Variants in WNK3 observed in about 807,000 individuals in gnomAD.
WNK3 encodes the protein WNK lysine deficient protein kinase 3, also known as serine/threonine-protein kinase WNK3.
Under a neutral mutation model 116.7 loss-of-function variants are expected in WNK3, and 18 were observed. That is an observed-to-expected ratio of 0.15 (90% CI 0.11 to 0.23). The LOEUF (loss-of-function observed/expected upper bound fraction) is 0.23. Among genes scored for constraint, WNK3 ranks in the 10% least tolerant of loss-of-function variants. The pLI is 1.00. For missense variants in WNK3, 993 were observed against 1,323.8 expected, an observed-to-expected ratio of 0.75 and a Z score of 3.88; for synonymous variants, 404 against 469.4, an observed-to-expected ratio of 0.86 and a Z score of 1.80.
At chrX:54,295,261 A>C (rs937907795) in intron 7 of WNK3, among the ~76,000 whole-genome samples, 2 of 109,884 alleles carry the variant, frequency 1.8e-5, no homozygotes, top group Non-Finnish European at 1.9e-5. Context: ...TTAACAGTTA[A>C]TCTGTTTCTA....
chrX:54,205,281 AAC>A lies in WNK3; in HGVS notation c.4871-3090_4871-3089del, dbSNP rs1557142485. On this transcript the variant is annotated intron_variant, in intron 22 of 23. Coordinates refer to ENST00000354646, the Ensembl canonical transcript of WNK3. ...CAACCAACCAACCAAACAAACAAAC[AAC>A]AAAAAAAAGAACATTTCTGGGTGGG... Among the ~76,000 whole-genome samples, 7 of 108,004 alleles carry A rather than the reference AAC, an allele frequency of 6.5e-5. No individual in the cohort carries two copies. The East Asian group carries it at 2.0e-3, about 31-fold the overall frequency. 93.8% of individuals were successfully genotyped at this position (108,004 alleles called of 115,157 possible).
intron 10 of WNK3, among the ~76,000 whole-genome samples, chrX:54,274,206 C>G (rs1448076947): frequency 8.9e-6 from 1 of 111,738 alleles, no homozygotes; most frequent in African/African-American, 3.3e-5. Flanking sequence ...CTGGCAATCT[C>G]ACTACATTTC....
chrX:54,273,736 G>A (rs1331174345), intron 10 of WNK3, among the ~76,000 whole-genome samples: 1 of 111,686 alleles, frequency 9.0e-6, no homozygotes, highest in Non-Finnish European at 1.9e-5. Flanking sequence ...AAAGTTAGGA[G>A]TGATTTGGGG....
rs781896072 is a variant in WNK3, at chrX:54,237,194, T to C, written c.4372A>G (p.Lys1458Glu). The change falls in exon 20 of 24, where the codon AAA (lysine) becomes GAA (glutamate). Residue 1458 changes from lysine to glutamate, a missense_variant. Lys to Glu is a moderately conservative substitution (Grantham distance 56). This residue lies in a region of WNK3 where 836 missense variants were observed against 976.5 expected (regional missense o/e 0.86). Transcript: ENST00000354646. Reference sequence around the variant, plus strand: ...CCAGCAGTCAATATCTCTCTCTCTTTAAGCAACAGTTCAGATCCAGACTGC... The same window carrying C: ...CCAGCAGTCAATATCTCTCTCTCTTCAAGCAACAGTTCAGATCCAGACTGC... 1 of 1,211,920 alleles carries C rather than the reference T, an allele frequency of 8.3e-7. No homozygotes were observed. The highest frequency in any genetic ancestry group is 1.8e-5 in the South Asian group (1 of 57,000).
At chrX:54,295,470 T>C (rs1403108820) in intron 7 of WNK3, among the ~76,000 whole-genome samples, 4 of 111,549 alleles carry the variant, frequency 3.6e-5, no homozygotes, top group Admixed American at 2.9e-4. Flanking sequence ...ATTAAAAAGG[T>C]TTCCTCATTC....
intron 2 of WNK3, among the ~76,000 whole-genome samples, chrX:54,317,198 C>T (rs2068968277): frequency 1.9e-5 from 2 of 105,218 alleles, no homozygotes; most frequent in South Asian, 8.8e-4. Context: ...CTTGCTCTAT[C>T]ACCCAGTCTG....
chrX:54,248,536 G>C (rs1372696168), intron 17 of WNK3, among the ~76,000 whole-genome samples, 161 bp downstream of exon 17: 1 of 111,932 alleles, frequency 8.9e-6, no homozygotes, highest in Non-Finnish European at 1.9e-5. Context: ...GAGAGGTTCT[G>C]AACACCTGCA....
intron 6 of WNK3, among the ~76,000 whole-genome samples, chrX:54,299,619 T>A (rs2068736565): frequency 9.3e-6 from 1 of 107,107 alleles, no homozygotes; most frequent in Non-Finnish European, 1.9e-5. Flanking sequence ...AGAAACGGGG[T>A]TTCACCATGT....
At chrX:54,225,075 T>A (rs1243501725) in intron 22 of WNK3, among the ~76,000 whole-genome samples, 1 of 106,904 alleles carries the variant, frequency 9.4e-6, no homozygotes, top group Non-Finnish European at 1.9e-5. Context: ...AGACCTTGTC[T>A]CTAAAACAAA....
chrX:54,309,013 T>C, intron 4 of WNK3, 82 bp downstream of exon 4: 2 of 835,508 alleles, frequency 2.4e-6, no homozygotes, highest in Admixed American at 2.5e-5. Context: ...CCACTGGCCA[T>C]AGCTGGCTGA....
intron 15 of WNK3, 30 bp downstream of exon 15, chrX:54,251,369 C>A: frequency 9.3e-7 from 1 of 1,076,285 alleles, no homozygotes; most frequent in Non-Finnish European, 1.2e-6. Flanking sequence ...CTTCAAAAAC[C>A]AAATGATAAA....
At chrX:54,357,699 C>T (rs1388395265) in exon 1 of WNK3, 1 of 112,398 alleles carries the variant, frequency 8.9e-6, no homozygotes, top group Non-Finnish European at 1.9e-5. Context: ...ATTAGAGGCT[C>T]TCGCAAAGGA....
chrX:54,342,949 A>G (rs1479653142), intron 1 of WNK3, among the ~76,000 whole-genome samples: 1 of 110,856 alleles, frequency 9.0e-6, no homozygotes, highest in African/African-American at 3.3e-5. Flanking sequence ...CCTGGGATCA[A>G]GTGGTCCTCC....
chrX:54,200,932 G>A (rs1557141487), intron 23 of WNK3, among the ~76,000 whole-genome samples: 1 of 111,762 alleles, frequency 8.9e-6, no homozygotes, highest in Non-Finnish European at 1.9e-5. Flanking sequence ...TCACTAGCTT[G>A]GGAAATCGAG....
At chrX:54,256,586 T>A (rs782258800) in intron 11 of WNK3, among the ~76,000 whole-genome samples, 6 of 112,261 alleles carry the variant, frequency 5.3e-5, no homozygotes, top group East Asian at 5.6e-4. Context: ...TACAAAAATT[T>A]CAATAAACAC....
chrX:54,199,719 G>A (rs1346176141), intron 23 of WNK3, among the ~76,000 whole-genome samples: 2 of 111,215 alleles, frequency 1.8e-5, no homozygotes, highest in African/African-American at 3.3e-5. Context: ...CTGTAATCTC[G>A]GCTACTCAGG....
At chrX:54,275,415 A>ATGTGTGTGTGTGTGTGTGTGTG (rs782672834) in intron 10 of WNK3, among the ~76,000 whole-genome samples, 6 of 64,426 alleles carry the variant, frequency 9.3e-5, no homozygotes, top group African/African-American at 3.2e-4. Context: ...ATAAGTTCAT[A>ATGTGTGTGTGTGTGTGTGTGTG]TGTGTGTGTG....
chrX:54,221,735 T>A (rs1557146575), intron 22 of WNK3, among the ~76,000 whole-genome samples: 2 of 110,803 alleles, frequency 1.8e-5, no homozygotes, highest in Non-Finnish European at 3.8e-5. Flanking sequence ...CTCAGGTAGC[T>A]GAGGCAGGAG....
intron 2 of WNK3, among the ~76,000 whole-genome samples, chrX:54,326,233 G>A (rs1557173363): frequency 9.2e-6 from 1 of 108,877 alleles, no homozygotes. Flanking sequence ...TGGGACTACA[G>A]ATGCCCGCCA....
Sources: gnomAD v4.1 joint callset for allele counts (sites outside exome capture counted in the v4.1 genomes callset) on GRCh38, gnomAD v4.1.1 for gene constraint, gnomAD v4.1.1 regional missense constraint, MANE v1.5 for transcripts, NCBI Gene and HGNC (gene_info 2026-07-23, HGNC 2026-07-21) for gene names.